The following DPH6 variants were observed in gnomAD, a reference collection of about 807,000 sequenced individuals.
DPH6 encodes the protein diphthamine biosynthesis 6.
Under a neutral mutation model 38.2 loss-of-function variants are expected in DPH6, and 33 were observed. The observed-to-expected ratio is 0.86, with a 90% CI of 0.65 to 1.15. The LOEUF (loss-of-function observed/expected upper bound fraction) is 1.15. DPH6 is among the 50% of genes most tolerant of loss of function. The pLI is 0.00. For missense variants in DPH6, 325 were observed against 320.0 expected (o/e 1.02, Z -0.12); for synonymous variants, 108 against 103.0 (o/e 1.05, Z -0.30).
chr15:35,536,338 A>G (rs2055169045), intron 3 of DPH6, among the ~76,000 whole-genome samples: 1 of 152,030 alleles, frequency 6.6e-6, no homozygotes, highest in South Asian at 2.1e-4. Flanking sequence ...ATATTTCTAC[A>G]CAGGAAAAGA....
intron 3 of DPH6, among the ~76,000 whole-genome samples, chr15:35,512,148 C>T (rs1305774584): frequency 6.6e-6 from 1 of 151,960 alleles, no homozygotes; most frequent in African/African-American, 2.4e-5. Context: ...GTGAAATATA[C>T]CTAAAATCTT....
At chr15:35,151,405 C>A in the DPH6 span, among the ~76,000 whole-genome samples, 1 of 152,194 alleles carries the variant, frequency 6.6e-6, no homozygotes, top group Non-Finnish European at 1.5e-5. Context: ...ATGGACCACA[C>A]TTTGAGTAGC....
At chr15:35,243,754 C>T (rs2051617044) in intron 3 of DPH6, among the ~76,000 whole-genome samples, 1 of 151,988 alleles carries the variant, frequency 6.6e-6, no homozygotes, top group Admixed American at 6.6e-5. Context: ...TCGGACTCAG[C>T]CCGCCTGCAC....
intron 3 of DPH6, among the ~76,000 whole-genome samples, chr15:35,357,695 A>G (rs1035262502): frequency 2.6e-5 from 4 of 152,126 alleles, no homozygotes; most frequent in Non-Finnish European, 5.9e-5. Flanking sequence ...GTTTGAGGAG[A>G]CCGAAGATAT....
downstream of DPH6, among the ~76,000 whole-genome samples, chr15:35,329,669 C>A (rs985234422): frequency 6.6e-6 from 1 of 152,068 alleles, no homozygotes; most frequent in Non-Finnish European, 1.5e-5. Flanking sequence ...TCTGTTCTTG[C>A]TAAAATTTGG....
the DPH6 span, among the ~76,000 whole-genome samples, chr15:35,189,669 C>T: frequency 6.6e-6 from 1 of 152,140 alleles, no homozygotes; most frequent in African/African-American, 2.4e-5. Context: ...AACTTTCCCT[C>T]TGAATGTTAG....
intron 3 of DPH6, chr15:35,298,807 T>A: frequency 1.8e-6 from 2 of 1,137,138 alleles, no homozygotes; most frequent in East Asian, 4.7e-5. Flanking sequence ...TCTGTCTTGT[T>A]CCTCGTACAC....
chr15:35,511,439 A>C (rs1043453190), intron 3 of DPH6, among the ~76,000 whole-genome samples: 1 of 150,802 alleles, frequency 6.6e-6, no homozygotes, highest in Non-Finnish European at 1.5e-5. Flanking sequence ...GAGATGAAAG[A>C]GAAAAAGGAG....
chr15:35,232,587 A>G (rs1337889916), intron 3 of DPH6, among the ~76,000 whole-genome samples: 1 of 152,006 alleles, frequency 6.6e-6, no homozygotes, highest in Non-Finnish European at 1.5e-5. Flanking sequence ...TGTCAAAAAC[A>G]AAAACAAAAA....
intron 6 of DPH6, among the ~76,000 whole-genome samples, chr15:35,390,573 T>C (rs934976289): frequency 6.6e-6 from 1 of 152,184 alleles, no homozygotes; most frequent in Admixed American, 6.5e-5. Context: ...ACTTCTCTTC[T>C]CACTTCATTT....
chr15:35,397,888 C>T (rs1279650801), intron 6 of DPH6, among the ~76,000 whole-genome samples: 12 of 151,308 alleles, frequency 7.9e-5, no homozygotes, highest in Non-Finnish European at 1.3e-4. Context: ...CACACACACA[C>T]ACACACACAC....
the DPH6 span, among the ~76,000 whole-genome samples, chr15:35,200,176 A>T: frequency 6.6e-6 from 1 of 152,280 alleles, no homozygotes; most frequent in Non-Finnish European, 1.5e-5. Context: ...AGATGATGAG[A>T]GAGAGTTTGG....
intron 5 of DPH6, among the ~76,000 whole-genome samples, chr15:35,424,811 A>G (rs2053548440): frequency 1.3e-5 from 2 of 151,652 alleles, no homozygotes; most frequent in African/African-American, 2.4e-5. Flanking sequence ...AAAGAATACT[A>G]TGAATATACC....
exon 4 of DPH6, chr15:35,220,370 T>C (rs932565201): frequency 3.3e-5 from 5 of 152,158 alleles, no homozygotes; most frequent in African/African-American, 1.2e-4. Context: ...TAGCCTGTTT[T>C]ATGCTGCTGT....
At chr15:35,370,102 T>C (rs1313648093), downstream of DPH6, among the ~76,000 whole-genome samples, 1 of 151,722 alleles carries the variant, frequency 6.6e-6, no homozygotes. Flanking sequence ...GGAGAAAAGA[T>C]AGTCTTTTCA....
intron 6 of DPH6, among the ~76,000 whole-genome samples, chr15:35,408,194 A>C (rs1172178643): frequency 6.6e-6 from 1 of 151,894 alleles, no homozygotes; most frequent in East Asian, 1.9e-4. Context: ...AGAGGAGTCT[A>C]AAGAATTTGG....
the DPH6 span, among the ~76,000 whole-genome samples, chr15:35,181,491 A>C: frequency 1.3e-5 from 2 of 150,284 alleles, no homozygotes; most frequent in African/African-American, 4.9e-5. Context: ...AAAAAAAAAA[A>C]AATTATCTTT....
At chr15:35,308,233 CATAA>C (rs934874297) in intron 3 of DPH6, among the ~76,000 whole-genome samples, 18 of 151,876 alleles carry the variant, frequency 1.2e-4, no homozygotes, top group Non-Finnish European at 1.9e-4. Flanking sequence ...CCTGTCACTG[CATAA>C]ATAAATAAAT....
chr15:35,201,577 CATTTAGAGGCATA>C, the DPH6 span, among the ~76,000 whole-genome samples: 3 of 151,718 alleles, frequency 2.0e-5, no homozygotes, highest in Admixed American at 6.6e-5. Flanking sequence ...ACAATATTCC[CATTTAGAGGCATA>C]ATTCTTGACA....
Sources: gnomAD v4.1 joint callset for allele counts (sites outside exome capture counted in the v4.1 genomes callset) on GRCh38, gnomAD v4.1.1 for gene constraint, MANE v1.5 for transcripts, NCBI Gene and HGNC (gene_info 2026-07-23, HGNC 2026-07-21) for gene names.